Variants in PRAMEF17 observed in about 807,000 individuals in gnomAD.
PRAMEF17 encodes the protein PRAME family member 17.
PRAMEF17 carries 48 observed loss-of-function variants against 36.8 expected under a neutral mutation model. The observed-to-expected ratio is 1.30, with a 90% CI of 1.03 to 1.66. PRAMEF17 has a LOEUF of 1.66. PRAMEF17 is among the 40% of genes most tolerant of loss of function. The pLI is 0.00. For synonymous variants in PRAMEF17, 246 were observed against 220.4 expected (o/e 1.12, Z -1.03); for missense variants, 639 against 560.6 (o/e 1.14, Z -1.41).
In PRAMEF17 at chr1:13,390,602, T is replaced by C. The variant is rs1640867449; in HGVS notation, c.549T>C (p.Asn183=). The stretch of plus-strand genomic sequence containing the variant: ...GAGGTCTAGTGCACCTGTGTTGTAA[T>C]AAGGTGCAGAATTACTCAATGCCCA... The part of the protein sequence containing the change: ...YRRGLVHLCC[N]KVQNYSMPTS... Residue 183 remains asparagine (N), a synonymous_variant, in exon 2 of 3, where the codon AAT becomes AAC. Transcript: ENST00000376098. 3.1e-6 allele frequency: 5 copies of C among 1,611,984 alleles called. No homozygotes were observed. In the African/African-American group the frequency reaches 4.0e-5, roughly 13 times the overall value.
At chr1:13,390,971 C>G (rs1640872811) in intron 2 of PRAMEF17, 52 bp downstream of exon 2, 3 of 1,610,234 alleles carry the variant, frequency 1.9e-6, no homozygotes, top group Non-Finnish European at 2.5e-6. Context: ...GACTTTTGTT[C>G]TTTTTCACAG....
chr1:13,391,603 A>C (rs1179390837), intron 2 of PRAMEF17, among the ~76,000 whole-genome samples: 46 of 152,110 alleles, frequency 3.0e-4, no homozygotes, highest in Non-Finnish European at 5.6e-4. Context: ...CCCAGAGCTG[A>C]GGTTGTCTCC....
chr1:13,390,644 T>C lies in PRAMEF17; in HGVS notation c.591T>C (p.Asn197=). 1 of 1,611,960 alleles carries C rather than the reference T, an allele frequency of 6.2e-7. No homozygotes were observed. Among genetic ancestry groups the C allele is most frequent in the African/African-American group, 1.3e-5 (1 of 74,958 alleles). Residue 197 remains asparagine, a synonymous_variant, in exon 2 of 3, where the codon AAT becomes AAC. Coordinates refer to ENST00000376098, the MANE Select transcript of PRAMEF17 (RefSeq NM_001099851.3). The stretch of plus-strand genomic sequence containing the variant: ...CAATGCCCACTTCAAGTTTCAGAAA[T>C]TTATTGAAAAGGGTATACCCAGACA... ...NYSMPTSSFR[N]LLKRVYPDSI...
In PRAMEF17 at chr1:13,392,011, T is replaced by G. The variant is rs760752544; in HGVS notation, c.934T>G (p.Cys312Gly). Residue 312 changes from cysteine to glycine, a missense_variant, in exon 3 of 3, where the codon TGT becomes GGT. By Grantham distance (159) the Cys-to-Gly change is radical. Transcript: ENST00000376098. ...HAYLADQDME[C>G]LSQYPSLSQL... ...TTACCTAGCTGATCAGGACATGGAGTGTCTGTCTCAGTACCCAAGCCTCAG... is the reference window on the plus strand; with the variant it reads ...TTACCTAGCTGATCAGGACATGGAGGGTCTGTCTCAGTACCCAAGCCTCAG... 6.2e-7 allele frequency: 1 copy of G among 1,611,604 alleles called. No homozygotes were observed. The highest frequency in any genetic ancestry group is 8.5e-7 in the Non-Finnish European group (1 of 1,179,782).
chr1:13,391,516 G>A (rs1307521722), intron 2 of PRAMEF17, among the ~76,000 whole-genome samples: 1 of 152,184 alleles, frequency 6.6e-6, no homozygotes, highest in Non-Finnish European at 1.5e-5. Context: ...ATCTTTGCAG[G>A]CAGGTGGTCC....
At position 13,390,512 on chromosome 1, in the gene PRAMEF17, C is replaced by T. The variant is rs1213592247; in HGVS notation, c.459C>T (p.Leu153=). The T allele has an allele frequency of 6.2e-6, 10 of 1,611,994 alleles. 1 individual carries two copies. The African/African-American group carries it at 1.2e-4, about 19-fold the overall frequency. Residue 153 remains leucine (L), a synonymous_variant, in exon 2 of 3, where the codon CTC becomes CTT. Coordinates refer to ENST00000376098, the MANE Select transcript of PRAMEF17 (RefSeq NM_001099851.3). ...EHQPLKVFID[L]CQKESTLDEC... Reference sequence around the variant, plus strand: ...AGCCCTTGAAGGTGTTCATAGACCTCTGCCAAAAGGAAAGTACACTGGATG... The same window carrying T: ...AGCCCTTGAAGGTGTTCATAGACCTTTGCCAAAAGGAAAGTACACTGGATG...
Position 13,390,818 on chromosome 1 carries a change from C to A in PRAMEF17, c.765C>A (p.Phe255Leu). The A allele has an allele frequency of 6.2e-7, 1 of 1,612,030 alleles. No individual in the cohort carries two copies. The change falls in exon 2 of 3, where the codon TTC becomes TTA. Residue 255 changes from phenylalanine to leucine, a missense_variant. Phe to Leu is a conservative substitution (Grantham distance 22). Transcript: ENST00000376098. ...TATATGTAAGCGGCCAACAGCAGTT[C>A]GTTCCTGACTTGGACTGTCCATTCC... ...DELYVSGQQQ[F>L]VPDLDCPFLC... is the part of the protein sequence containing the mutation.
In PRAMEF17 at chr1:13,392,109, A is replaced by G. The variant is rs201517467; in HGVS notation, c.1032A>G (p.Leu344=). The G allele has an allele frequency of 1.8e-4, 298 of 1,611,536 alleles. 2 individuals are homozygous for G. The highest frequency in any genetic ancestry group is 6.8e-4 in the Middle Eastern group (3 of 4,426). The change falls in exon 3 of 3, where the codon CTA becomes CTG. Residue 344 remains leucine (L), a synonymous_variant. Transcript: ENST00000376098. ...ATCTTGAGCCCCTTGGAGCTCTGCT[A>G]GAGAAAGTTGCTGCTACTCTCGAGA... ...TTNLEPLGAL[L]EKVAATLEIL...
rs1640894318 is a variant in PRAMEF17 at position 13,392,181 on chromosome 1, C to T, written c.1104C>T (p.Val368=). 2 of 1,612,006 alleles carry T rather than the reference C, an allele frequency of 1.2e-6. No individual in the cohort carries two copies. The highest frequency in any genetic ancestry group is 1.3e-5 in the African/African-American group (1 of 74,980). The part of the protein sequence containing the change: ...DCQIQDSQLR[V]LLPALSRCSQ... ...AGATCCAGGACTCCCAGCTCAGGGT[C>T]CTCCTGCCTGCCCTGAGCCGCTGCT... The change falls in exon 3 of 3, where the codon GTC becomes GTT. Residue 368 remains valine, a synonymous_variant. Coordinates refer to ENST00000376098, the MANE Select transcript of PRAMEF17 (RefSeq NM_001099851.3).
Position 13,390,672 on chromosome 1 carries a change from A to T in PRAMEF17, c.619A>T (p.Ile207Phe). 6.2e-7 allele frequency: 1 copy of T among 1,612,002 alleles called. No individual in the cohort carries two copies. The highest frequency in any genetic ancestry group is 1.3e-5 in the African/African-American group (1 of 74,988). ...NLLKRVYPDS[I>F]QELEIKRKCS... ...ATTGAAAAGGGTATACCCAGACAGT[A>T]TCCAGGAGTTGGAAATTAAGAGAAA... Residue 207 changes from isoleucine to phenylalanine, a missense_variant, in exon 2 of 3, where the codon ATC becomes TTC. By Grantham distance (21) the Ile-to-Phe change is conservative. Transcript: ENST00000376098.
At position 13,389,643 on chromosome 1, in the gene PRAMEF17, T is replaced by A; in HGVS notation, c.-15T>A. ...TGGATTGTCCTCTAGAGTTTTTCAC[T>A]GGAGATTTGTCAGAATGAGCCTCCA... On this transcript the variant is annotated 5_prime_UTR_variant, in exon 1 of 3. Coordinates refer to ENST00000376098, the MANE Select transcript of PRAMEF17 (RefSeq NM_001099851.3). 7 of 1,611,980 alleles carry A rather than the reference T, an allele frequency of 4.3e-6. No individual in the cohort carries two copies. The highest frequency in any genetic ancestry group is 5.9e-6 in the Non-Finnish European group (7 of 1,179,852).
chr1:13,389,903 G>T lies in PRAMEF17; in HGVS notation c.246G>T (p.Leu82=). The change falls in exon 1 of 3, where the codon CTG becomes CTT. Residue 82 remains leucine, a synonymous_variant. Transcript: ENST00000376098. ...TPHLETLQAV[L]KGLDTLLAQK... ...ATCTGGAGACCTTGCAAGCTGTGCT[G>T]AAGGGACTTGATACACTGCTGGCCC... 6.2e-7 allele frequency: 1 copy of T among 1,613,212 alleles called. No homozygotes were observed.
Position 13,392,623 on chromosome 1 carries a change from T to G in PRAMEF17, c.*121T>G. 2 of 1,415,498 alleles carry G rather than the reference T, an allele frequency of 1.4e-6. No individual in the cohort carries two copies. The highest frequency in any genetic ancestry group is 1.9e-6 in the Non-Finnish European group (2 of 1,044,308). The allele number at this position is 1,415,498 out of a possible 1,614,324, so 87.7% of individuals were successfully genotyped here. On this transcript the variant is annotated 3_prime_UTR_variant, in exon 3 of 3. Coordinates refer to ENST00000376098, the MANE Select transcript of PRAMEF17 (RefSeq NM_001099851.3). ...TTTTGATGGAGTCTCGCTCTGTCCC[T>G]CAGGCTAAAGTGCAGTGGCAAAATC...
chr1:13,392,606 G>C lies in PRAMEF17; in HGVS notation c.*104G>C, dbSNP rs1414974630. The C allele has an allele frequency of 6.7e-7, 1 of 1,492,468 alleles. No homozygotes were observed. Among genetic ancestry groups the C allele is most frequent in the Non-Finnish European group, 9.1e-7 (1 of 1,098,636 alleles). 92.5% of individuals were successfully genotyped at this position (1,492,468 alleles called of 1,614,324 possible). A position where few individuals can be genotyped will look rare whatever the true frequency, so the allele number is the denominator to read the frequency against. ...TTGTTTTTTTGTTTTTTTTTTGATGGAGTCTCGCTCTGTCCCTCAGGCTAA... is the reference window on the plus strand; with the variant it reads ...TTGTTTTTTTGTTTTTTTTTTGATGCAGTCTCGCTCTGTCCCTCAGGCTAA... On this transcript the variant is annotated 3_prime_UTR_variant, in exon 3 of 3. Coordinates refer to ENST00000376098, the MANE Select transcript of PRAMEF17 (RefSeq NM_001099851.3).
chr1:13,392,143 T>A lies in PRAMEF17; in HGVS notation c.1066T>A (p.Leu356Ile), dbSNP rs1305750835. The change falls in exon 3 of 3, where the codon TTA becomes ATA. Residue 356 changes from leucine (L) to isoleucine (I), a missense_variant. Physicochemically the swap from Leu to Ile is conservative, Grantham distance 5. Transcript: ENST00000376098. ...TGCTGCTACTCTCGAGATCCTCACG[T>A]TAAAGGACTGTCAGATCCAGGACTC... is the stretch of plus-strand genomic sequence containing the variant. Reference protein sequence around the residue: ...KVAATLEILTLKDCQIQDSQL... With the variant: ...KVAATLEILTIKDCQIQDSQL... 6.2e-7 allele frequency: 1 copy of A among 1,611,770 alleles called. No individual in the cohort carries two copies. Among genetic ancestry groups the A allele is most frequent in the Non-Finnish European group, 8.5e-7 (1 of 1,179,832 alleles).
At position 13,390,239 on chromosome 1, in the gene PRAMEF17, AG is replaced by A. The variant is rs1344554180; in HGVS notation, c.288-100del. On this transcript the variant is annotated intron_variant, in intron 1 of 2. Coordinates refer to ENST00000376098, the MANE Select transcript of PRAMEF17 (RefSeq NM_001099851.3). ...AGAAGAGACAGAAGGAGGAGCACTGAGGACAGGAGCAGCTGACTGATGTCCT... is the reference window on the plus strand; with the variant it reads ...AGAAGAGACAGAAGGAGGAGCACTGAGACAGGAGCAGCTGACTGATGTCCT... The A allele has an allele frequency of 1.9e-6, 3 of 1,559,396 alleles. No individual in the cohort carries two copies. The African/African-American group carries it at 4.1e-5, about 21-fold the overall frequency.
chr1:13,391,818 A>C, intron 2 of PRAMEF17, 126 bp from the exon 3 acceptor site: 1 of 1,394,160 alleles, frequency 7.2e-7, no homozygotes. Context: ...AGGTTACTAC[A>C]ACACCTGTGT....
intron 2 of PRAMEF17, 21 bp from the exon 3 acceptor site, chr1:13,391,923 C>T: frequency 3.7e-6 from 6 of 1,608,270 alleles, no homozygotes; most frequent in Non-Finnish European, 5.1e-6. Flanking sequence ...TTGCCCATAA[C>T]TAATTTCTTG....
chr1:13,390,432 G>C lies in PRAMEF17; in HGVS notation c.379G>C (p.Glu127Gln). 1 of 1,612,010 alleles carries C rather than the reference G, an allele frequency of 6.2e-7. No individual in the cohort carries two copies. Among genetic ancestry groups the C allele is most frequent in the Non-Finnish European group, 8.5e-7 (1 of 1,179,854 alleles). The change falls in exon 2 of 3, where the codon GAG (glutamate) becomes CAG (glutamine). Residue 127 changes from glutamate (E) to glutamine (Q), a missense_variant. Glu to Gln is a conservative substitution (Grantham distance 29). Transcript: ENST00000376098. Reference sequence around the variant, plus strand: ...AGCCAGGGCCCTCTCCTGCTCCCCAGAGGCCATGAGTAAGAGGCAGACAGT... The same window carrying C: ...AGCCAGGGCCCTCTCCTGCTCCCCACAGGCCATGAGTAAGAGGCAGACAGT... ...SGARALSCSP[E>Q]AMSKRQTVED...
Sources: allele counts gnomAD v4.1 joint callset (sites outside exome capture counted in the v4.1 genomes callset), GRCh38; gene constraint gnomAD v4.1.1; transcripts MANE v1.5; gene names NCBI Gene and HGNC (gene_info 2026-07-23, HGNC 2026-07-21).